Variants in CORO2B observed in about 807,000 individuals in gnomAD.
The protein encoded by CORO2B is coronin-2B.
In CORO2B, 26 loss-of-function variants were observed where a neutral mutation model predicts 58.8. That is an observed-to-expected ratio of 0.44 (90% CI 0.32 to 0.61). CORO2B has a LOEUF of 0.61. Ranked by LOEUF, CORO2B falls within the 20% of genes least tolerant of loss-of-function variation. The pLI is 0.04. For synonymous variants in CORO2B, 242 were observed against 253.8 expected, an observed-to-expected ratio of 0.95 and a Z score of 0.44; for missense variants, 460 against 645.1, an observed-to-expected ratio of 0.71 and a Z score of 3.11.
chr15:68,710,431 G>T lies in CORO2B; in HGVS notation c.334-301G>T, dbSNP rs1426478999. On this transcript the variant is annotated intron_variant, in intron 3 of 11. Coordinates refer to ENST00000261861, the MANE Select transcript of CORO2B (RefSeq NM_006091.5). This position sits in a 1 kb window ranked among gnomAD's most constrained non-coding sequence, Gnocchi z 4.1. ...ACAACATTTGCTAAAAGGGGCTCAT[G>T]CATGTTCTTCTTATCCGGGCTAGGC... 6.6e-6 allele frequency among the ~76,000 whole-genome samples: 1 copy of T among 152,250 alleles called. No homozygotes were observed. Among genetic ancestry groups the T allele is most frequent in the Non-Finnish European group, 1.5e-5 (1 of 68,048 alleles).
intron 2 of CORO2B, among the ~76,000 whole-genome samples, chr15:68,688,316 G>T (rs964648136): frequency 2.0e-5 from 3 of 152,018 alleles, no homozygotes; most frequent in African/African-American, 7.3e-5. Flanking sequence ...CTTGTAGATT[G>T]GTTTTTTTAG....
chr15:68,570,469 T>C, the CORO2B span, among the ~76,000 whole-genome samples: 33 of 152,312 alleles, frequency 2.2e-4, no homozygotes, highest in African/African-American at 7.9e-4. Context: ...TCGTAAGACA[T>C]CGAAGGAAAC....
chr15:68,546,697 G>A, the CORO2B span, among the ~76,000 whole-genome samples: 1 of 152,178 alleles, frequency 6.6e-6, no homozygotes, highest in African/African-American at 2.4e-5. Flanking sequence ...ATGAATAAAT[G>A]AATGATGAAT....
chr15:68,625,335 G>A (rs1900647008), intron 1 of CORO2B, among the ~76,000 whole-genome samples: 1 of 150,648 alleles, frequency 6.6e-6, no homozygotes, highest in Non-Finnish European at 1.5e-5. Context: ...ATCTTTTTTA[G>A]TGTCCACTTC....
intron 1 of CORO2B, among the ~76,000 whole-genome samples, chr15:68,596,343 A>G (rs1899828757): frequency 9.1e-6 from 1 of 109,752 alleles, no homozygotes; most frequent in African/African-American, 3.5e-5. Flanking sequence ...GTTAAAGAAA[A>G]TACAGGGGCA....
At chr15:68,664,062 G>T (rs1902104627) in intron 2 of CORO2B, among the ~76,000 whole-genome samples, 1 of 152,162 alleles carries the variant, frequency 6.6e-6, no homozygotes, top group South Asian at 2.1e-4. Context: ...TACACTGCTG[G>T]GAGTGTACAG....
upstream of CORO2B, among the ~76,000 whole-genome samples, chr15:68,578,703 G>A (rs28636582): frequency 0.42 from 64,081 of 151,966 alleles, 14,288 homozygotes; most frequent in East Asian, 0.78. The surrounding 1 kb of genome is among the most constrained non-coding windows in gnomAD (Gnocchi z 4.2). Context: ...GGACACCCGA[G>A]AGCCCGGGGC....
chr15:68,561,365 T>C, the CORO2B span, among the ~76,000 whole-genome samples: 2 of 152,016 alleles, frequency 1.3e-5, no homozygotes, highest in Non-Finnish European at 2.9e-5. Flanking sequence ...GTCCAGATGG[T>C]CACCCATCCC....
intron 2 of CORO2B, among the ~76,000 whole-genome samples, chr15:68,691,032 T>C (rs115983305): frequency 0.026 from 3,970 of 151,822 alleles, 157 homozygotes; most frequent in African/African-American, 0.088. Context: ...GATGTCTCTA[T>C]AGAAAACTGG....
intron 2 of CORO2B, among the ~76,000 whole-genome samples, chr15:68,662,519 C>T (rs911208007): frequency 1.3e-5 from 2 of 152,138 alleles, no homozygotes; most frequent in Admixed American, 6.5e-5. Context: ...GCACTAAACA[C>T]GATGAAAAAT....
intron 2 of CORO2B, among the ~76,000 whole-genome samples, chr15:68,666,663 G>A (rs60280851): frequency 0.19 from 29,007 of 152,024 alleles, 2,904 homozygotes; most frequent in Non-Finnish European, 0.22. Context: ...AAAGCAGGGC[G>A]GCTGTGGGCA....
At chr15:68,629,416 G>A (rs1271697715) in intron 1 of CORO2B, among the ~76,000 whole-genome samples, 3 of 152,198 alleles carry the variant, frequency 2.0e-5, no homozygotes, top group African/African-American at 7.2e-5. Context: ...TCTCACAAAC[G>A]TGCCCTGTGG....
the CORO2B span, among the ~76,000 whole-genome samples, chr15:68,563,438 G>C: frequency 6.6e-6 from 1 of 150,756 alleles, no homozygotes; most frequent in African/African-American, 2.4e-5. Context: ...GGTGAGCCTT[G>C]ATCGTGCCAC....
At chr15:68,535,527 AATTATT>A in the CORO2B span, among the ~76,000 whole-genome samples, 7 of 151,850 alleles carry the variant, frequency 4.6e-5, no homozygotes, top group African/African-American at 7.3e-5. Context: ...ATGTTGTTCT[AATTATT>A]ATTATTATTA....
chr15:68,627,248 G>T (rs138062957), intron 1 of CORO2B, among the ~76,000 whole-genome samples: 3 of 152,074 alleles, frequency 2.0e-5, no homozygotes, highest in Non-Finnish European at 4.4e-5. Flanking sequence ...TGCTGGTCTC[G>T]TATGAGGGAT....
chr15:68,538,817 G>T, the CORO2B span, among the ~76,000 whole-genome samples: 1 of 152,188 alleles, frequency 6.6e-6, no homozygotes, highest in South Asian at 2.1e-4. Context: ...TTCTAAAGAG[G>T]TGTCATTCCA....
At chr15:68,529,277 A>G in the CORO2B span, among the ~76,000 whole-genome samples, 3 of 152,124 alleles carry the variant, frequency 2.0e-5, no homozygotes, top group South Asian at 6.2e-4. Context: ...TGCTCTCTAT[A>G]TCCTTATCAA....
At chr15:68,608,318 T>G (rs1480485795) in intron 1 of CORO2B, among the ~76,000 whole-genome samples, 3 of 152,220 alleles carry the variant, frequency 2.0e-5, no homozygotes, top group African/African-American at 7.2e-5. Context: ...CATTGGTGGT[T>G]ACAGTTTCCA....
At chr15:68,521,173 T>C in the CORO2B span, among the ~76,000 whole-genome samples, 3 of 152,242 alleles carry the variant, frequency 2.0e-5, no homozygotes, top group Non-Finnish European at 4.4e-5. Context: ...GTTTTCTATT[T>C]TTCCTAGACC....
Sources: allele counts gnomAD v4.1 joint callset (sites outside exome capture counted in the v4.1 genomes callset), GRCh38; gene constraint gnomAD v4.1.1; non-coding constraint Gnocchi (gnomAD v3.1); transcripts MANE v1.5; gene names NCBI Gene and HGNC (gene_info 2026-07-23, HGNC 2026-07-21).